The following ARK2N variants were observed in gnomAD, a reference collection of about 807,000 sequenced individuals.
ARK2N encodes the protein protein ARK2N.
the ARK2N span, among the ~76,000 whole-genome samples, chr18:46,208,366 G>T: frequency 0.73 from 111,516 of 151,820 alleles, 41,049 homozygotes; most frequent in Middle Eastern, 0.77. Flanking sequence ...GCCTTTTTTC[G>T]TGATAATATT....
At chr18:46,263,767 TA>T in the ARK2N span, 1 of 152,696 alleles carries the variant, frequency 6.5e-6, no homozygotes, top group African/African-American at 2.4e-5. Flanking sequence ...TAAGGTGACC[TA>T]GTTGTTCTCC....
chr18:46,192,293 G>C, the ARK2N span, among the ~76,000 whole-genome samples: 1 of 152,146 alleles, frequency 6.6e-6, no homozygotes, highest in Non-Finnish European at 1.5e-5. Flanking sequence ...GTGGACTCTG[G>C]CTGGGTGAGG....
At chr18:46,244,009 T>C in the ARK2N span, among the ~76,000 whole-genome samples, 1 of 152,206 alleles carries the variant, frequency 6.6e-6, no homozygotes, top group Non-Finnish European at 1.5e-5. Context: ...CTACAAGTAC[T>C]TCTTAAATTT....
the ARK2N span, among the ~76,000 whole-genome samples, chr18:46,249,479 G>A: frequency 1.3e-5 from 2 of 151,928 alleles, no homozygotes; most frequent in African/African-American, 2.4e-5. Context: ...TGATCCACCC[G>A]CCTCGGCCTC....
the ARK2N span, among the ~76,000 whole-genome samples, chr18:46,245,122 G>C: frequency 6.6e-6 from 1 of 151,810 alleles, no homozygotes; most frequent in Non-Finnish European, 1.5e-5. Context: ...AGTAGAGATG[G>C]GGTTTCACCA....
At chr18:46,175,102 A>G in the ARK2N span, among the ~76,000 whole-genome samples, 1 of 151,918 alleles carries the variant, frequency 6.6e-6, no homozygotes, top group Non-Finnish European at 1.5e-5. Flanking sequence ...TTCTCACTTT[A>G]AAATTGTCCA....
the ARK2N span, among the ~76,000 whole-genome samples, chr18:46,174,823 C>G: frequency 0.058 from 8,761 of 152,272 alleles, 346 homozygotes; most frequent in East Asian, 0.13. Context: ...GGTCTGGCGC[C>G]GACACCTGCC....
chr18:46,205,836 C>G, the ARK2N span, among the ~76,000 whole-genome samples: 1 of 152,156 alleles, frequency 6.6e-6, no homozygotes, highest in African/African-American at 2.4e-5. Context: ...CACCATCCTT[C>G]CACCTTAGCC....
chr18:46,237,086 C>T, the ARK2N span, among the ~76,000 whole-genome samples: 163 of 152,176 alleles, frequency 1.1e-3, 1 homozygote, highest in African/African-American at 3.7e-3. Context: ...TGGTCTCAAA[C>T]TCCTGACCTC....
At chr18:46,182,805 A>T in the ARK2N span, among the ~76,000 whole-genome samples, 1 of 151,600 alleles carries the variant, frequency 6.6e-6, no homozygotes, top group South Asian at 2.1e-4. Context: ...TGCAATATGA[A>T]GTGATTTGAG....
At chr18:46,196,412 C>A in the ARK2N span, among the ~76,000 whole-genome samples, 1 of 151,950 alleles carries the variant, frequency 6.6e-6, no homozygotes, top group African/African-American at 2.4e-5. Context: ...CAGGCGCCTG[C>A]CACCACGCCC....
chr18:46,240,019 G>T, the ARK2N span: 1 of 1,614,026 alleles, frequency 6.2e-7, no homozygotes, highest in African/African-American at 1.3e-5. Context: ...ACCTCCAGTT[G>T]TAGCTCATTA....
the ARK2N span, chr18:46,231,834 A>G: frequency 1.3e-5 from 2 of 150,532 alleles, no homozygotes; most frequent in African/African-American, 2.5e-5. Flanking sequence ...GGCTCACTGC[A>G]ACCTCCACCT....
the ARK2N span, among the ~76,000 whole-genome samples, chr18:46,195,942 A>G: frequency 1.1e-4 from 17 of 151,846 alleles, no homozygotes; most frequent in African/African-American, 2.9e-4. Context: ...CAATAATAAT[A>G]TAAAATAATT....
At chr18:46,238,512 C>T in the ARK2N span, among the ~76,000 whole-genome samples, 1 of 152,008 alleles carries the variant, frequency 6.6e-6, no homozygotes, top group Non-Finnish European at 1.5e-5. Flanking sequence ...AATCAATTAC[C>T]AACTGATACC....
chr18:46,178,086 A>G, the ARK2N span, among the ~76,000 whole-genome samples: 2 of 152,270 alleles, frequency 1.3e-5, no homozygotes, highest in South Asian at 2.1e-4. Flanking sequence ...CCAGGTGAGC[A>G]TGCCAGGCTA....
At chr18:46,184,462 T>C in the ARK2N span, among the ~76,000 whole-genome samples, 1 of 151,906 alleles carries the variant, frequency 6.6e-6, no homozygotes, top group Non-Finnish European at 1.5e-5. Flanking sequence ...TGGCTCACAC[T>C]TGTCATCTCA....
the ARK2N span, among the ~76,000 whole-genome samples, chr18:46,201,779 C>CTTTTTTTTTT: frequency 7.4e-6 from 1 of 135,774 alleles, no homozygotes; most frequent in Non-Finnish European, 1.6e-5. Flanking sequence ...CTTTTCTTTT[C>CTTTTTTTTTT]TTTTTTTTTT....
chr18:46,213,154 A>T, the ARK2N span, among the ~76,000 whole-genome samples: 6 of 151,690 alleles, frequency 4.0e-5, no homozygotes, highest in East Asian at 1.2e-3. Flanking sequence ...GGTGCCTGCC[A>T]CCACGCCTGG....
Sources: allele counts gnomAD v4.1 joint callset (sites outside exome capture counted in the v4.1 genomes callset), GRCh38; gene constraint gnomAD v4.1.1; transcripts MANE v1.5; gene names NCBI Gene and HGNC (gene_info 2026-07-23, HGNC 2026-07-21).